The following ATXN7 variants were observed in gnomAD, a reference collection of about 807,000 sequenced individuals.
ATXN7 encodes ataxin-7.
Under a neutral mutation model 70.5 loss-of-function variants are expected in ATXN7, and 12 were observed. The observed-to-expected ratio is 0.17, with a 90% CI of 0.11 to 0.28. ATXN7 has a LOEUF of 0.28. Ranked by LOEUF, ATXN7 falls within the 10% of genes least tolerant of loss-of-function variation. The pLI, the probability that ATXN7 is intolerant of heterozygous loss-of-function variation, is 1.00. For synonymous variants in ATXN7, 498 were observed against 448.7 expected (o/e 1.11, Z -1.39); for missense variants, 1,256 against 1,131.7 (o/e 1.11, Z -1.58).
intron 5 of ATXN7, among the ~76,000 whole-genome samples, chr3:63,953,092 G>A (rs1018092031): frequency 7.2e-5 from 11 of 151,874 alleles, no homozygotes; most frequent in South Asian, 4.1e-4. Context: ...GATTCTTACC[G>A]CCACAGAGTT....
In ATXN7 at chr3:63,920,695, G is replaced by A. The variant is rs557832952; in HGVS notation, c.394+7470G>A. Among the ~76,000 whole-genome samples the A allele has an allele frequency of 3.9e-5, 6 of 152,106 alleles. No individual in the cohort carries two copies. The East Asian group carries it at 1.2e-3, about 29-fold the overall frequency. Reference sequence around the variant, plus strand: ...AACATTTTTTCTTTGAGGGGGAGGGGAAGTATCTACAGTTTGCATTAGAAG... The same window carrying A: ...AACATTTTTTCTTTGAGGGGGAGGGAAAGTATCTACAGTTTGCATTAGAAG... On this transcript the variant is annotated intron_variant, in intron 4 of 12. Transcript: ENST00000674280.
chr3:63,986,756 T>C, intron 8 of ATXN7, among the ~76,000 whole-genome samples: 1 of 152,184 alleles, frequency 6.6e-6, no homozygotes, highest in South Asian at 2.1e-4. Flanking sequence ...AGACATAGTT[T>C]GCAGTGTGTC....
chr3:63,908,320 C>T (rs1234446104), intron 2 of ATXN7, among the ~76,000 whole-genome samples: 1 of 152,156 alleles, frequency 6.6e-6, no homozygotes, highest in Non-Finnish European at 1.5e-5. Flanking sequence ...GAAAGGCATG[C>T]CCCTTGTGCA....
At chr3:63,913,882 C>G (rs1704156723) in intron 4 of ATXN7, among the ~76,000 whole-genome samples, 2 of 152,116 alleles carry the variant, frequency 1.3e-5, no homozygotes, top group Non-Finnish European at 2.9e-5. Context: ...GGGTATGCCT[C>G]CAAATGAAAG....
intron 4 of ATXN7, among the ~76,000 whole-genome samples, chr3:63,920,906 A>T (rs1009575112): frequency 1.3e-5 from 2 of 152,212 alleles, no homozygotes; most frequent in African/African-American, 2.4e-5. Context: ...TTTTTATTGC[A>T]GTATTTCTAA....
At chr3:63,905,415 T>A (rs1253287296) in intron 2 of ATXN7, 1 of 152,134 alleles carries the variant, frequency 6.6e-6, no homozygotes, top group Non-Finnish European at 1.5e-5. Flanking sequence ...TTCACCATGT[T>A]GGCCAGGATG....
chr3:63,916,862 T>C (rs901513715), intron 4 of ATXN7, among the ~76,000 whole-genome samples: 1 of 152,236 alleles, frequency 6.6e-6, no homozygotes, highest in African/African-American at 2.4e-5. Context: ...GTTGTTAGCA[T>C]GATTAATTTT....
At chr3:63,963,145 G>A (rs2075160281) in intron 5 of ATXN7, among the ~76,000 whole-genome samples, 1 of 151,730 alleles carries the variant, frequency 6.6e-6, no homozygotes, top group African/African-American at 2.4e-5. Context: ...CAAACTCCTG[G>A]GCTGAAGCAA....
Position 63,996,301 on chromosome 3 carries a change from ACTC to A in ATXN7, c.2483_2485del (p.Pro828del). Reference sequence around the variant, plus strand: ...CCACGGCAGTTTTTCCCACTCACACACTCCTCTAGACAAACTCATAGGAAAGAA... The same window carrying A: ...CCACGGCAGTTTTTCCCACTCACACACTCTAGACAAACTCATAGGAAAGAA... On this transcript the variant is annotated inframe_deletion, in exon 12 of 13. Transcript: ENST00000674280. 6.2e-7 allele frequency: 1 copy of A among 1,613,716 alleles called. No individual in the cohort carries two copies. Among genetic ancestry groups the A allele is most frequent in the Non-Finnish European group, 8.5e-7 (1 of 1,179,968 alleles).
chr3:63,892,234 G>A (rs1703290019), intron 1 of ATXN7, among the ~76,000 whole-genome samples: 1 of 151,724 alleles, frequency 6.6e-6, no homozygotes, highest in Admixed American at 6.6e-5. Flanking sequence ...ACTTGACTGA[G>A]GACACATATA....
chr3:63,894,109 A>C (rs1170561259), intron 1 of ATXN7, among the ~76,000 whole-genome samples: 2 of 152,232 alleles, frequency 1.3e-5, no homozygotes, highest in African/African-American at 4.8e-5. Context: ...AAGCATGGCT[A>C]CCTACAGGAG....
At chr3:63,992,755 G>A (rs543993245) in intron 11 of ATXN7, among the ~76,000 whole-genome samples, 3 of 152,126 alleles carry the variant, frequency 2.0e-5, no homozygotes, top group Admixed American at 1.3e-4. Context: ...CATGACCATT[G>A]GTTTTTAAAA....
rs548649949 is a variant in ATXN7 at position 63,866,456 on chromosome 3, A to G, written c.-111+2298A>G. On this transcript the variant is annotated intron_variant, in intron 1 of 12. Coordinates refer to ENST00000674280, the MANE Select transcript of ATXN7 (RefSeq NM_001377405.1). Reference sequence around the variant, plus strand: ...ATTTTTGTAGAGACATGATCTCACTATGTTGCCCAGGCTGGTCTCAAACTG... The same window carrying G: ...ATTTTTGTAGAGACATGATCTCACTGTGTTGCCCAGGCTGGTCTCAAACTG... Among the ~76,000 whole-genome samples the G allele has an allele frequency of 5.3e-5, 8 of 152,064 alleles. No individual in the cohort carries two copies. The South Asian group carries it at 1.2e-3, about 24-fold the overall frequency.
intron 5 of ATXN7, among the ~76,000 whole-genome samples, chr3:63,955,847 A>G (rs1020890505): frequency 2.0e-5 from 3 of 152,236 alleles, no homozygotes; most frequent in African/African-American, 7.2e-5. Flanking sequence ...TACCAACTCC[A>G]GCAGGCAGTT....
chr3:63,919,103 G>T (rs193222670), intron 4 of ATXN7, among the ~76,000 whole-genome samples: 91 of 152,254 alleles, frequency 6.0e-4, no homozygotes, highest in African/African-American at 2.1e-3. Flanking sequence ...TGCCTGCATG[G>T]TTTTTGCATT....
chr3:63,907,644 A>G (rs1335530870), intron 2 of ATXN7, among the ~76,000 whole-genome samples: 1 of 143,714 alleles, frequency 7.0e-6, no homozygotes, highest in South Asian at 2.2e-4. Flanking sequence ...TTTTTTTTTC[A>G]GTAGAGACTA....
At chr3:63,955,001 G>GC (rs2075017765) in intron 5 of ATXN7, among the ~76,000 whole-genome samples, 1 of 152,122 alleles carries the variant, frequency 6.6e-6, no homozygotes, top group Admixed American at 6.5e-5. Flanking sequence ...GAGCCACCAA[G>GC]CCCGGCCAGG....
At chr3:63,893,026 A>T (rs1354116962) in intron 1 of ATXN7, among the ~76,000 whole-genome samples, 1 of 152,186 alleles carries the variant, frequency 6.6e-6, no homozygotes, top group Non-Finnish European at 1.5e-5. Flanking sequence ...GCTCAACTCT[A>T]ACATGCACTA....
chr3:63,947,889 GA>G (rs891432876), intron 4 of ATXN7, among the ~76,000 whole-genome samples: 3 of 152,162 alleles, frequency 2.0e-5, no homozygotes, highest in Non-Finnish European at 4.4e-5. Flanking sequence ...GCCTGGAGCA[GA>G]GTGAGCCAAG....
Sources: gnomAD v4.1 joint callset for allele counts (sites outside exome capture counted in the v4.1 genomes callset) on GRCh38, gnomAD v4.1.1 for gene constraint, MANE v1.5 for transcripts, NCBI Gene and HGNC (gene_info 2026-07-23, HGNC 2026-07-21) for gene names.